The following SV2C variants were observed in gnomAD, a reference collection of about 807,000 sequenced individuals.
SV2C encodes the protein synaptic vesicle glycoprotein 2C.
SV2C carries 49 observed loss-of-function variants against 79.7 expected under a neutral mutation model. The observed-to-expected ratio is 0.61, with a 90% CI of 0.49 to 0.78. SV2C has a LOEUF of 0.78. Among genes scored for constraint, SV2C ranks in the 30% least tolerant of loss-of-function variants. SV2C has a pLI of 0.00. For synonymous variants in SV2C, 334 were observed against 333.2 expected, an observed-to-expected ratio of 1.00 and a Z score of -0.03; for missense variants, 833 against 912.9, an observed-to-expected ratio of 0.91 and a Z score of 1.13.
chr5:75,883,140 G>C, the SV2C span, among the ~76,000 whole-genome samples: 1 of 141,132 alleles, frequency 7.1e-6, no homozygotes, highest in Non-Finnish European at 1.5e-5. Flanking sequence ...ACCACAATGA[G>C]ATACCATCTC....
the SV2C span, among the ~76,000 whole-genome samples, chr5:75,973,336 TAA>T: frequency 6.7e-6 from 1 of 150,090 alleles, no homozygotes; most frequent in Non-Finnish European, 1.5e-5. Context: ...AATAATAAAA[TAA>T]AAAAAAATTA....
the SV2C span, among the ~76,000 whole-genome samples, chr5:76,013,670 A>T: frequency 6.6e-6 from 1 of 152,052 alleles, no homozygotes; most frequent in African/African-American, 2.4e-5. Flanking sequence ...AAAAGGAGAG[A>T]TAAAAAGAAA....
chr5:76,071,216 A>G, the SV2C span, among the ~76,000 whole-genome samples: 1 of 152,224 alleles, frequency 6.6e-6, no homozygotes. Flanking sequence ...CTTGGAATTG[A>G]CAATAACCTA....
chr5:76,037,189 A>T, the SV2C span, among the ~76,000 whole-genome samples: 4 of 152,030 alleles, frequency 2.6e-5, no homozygotes, highest in Non-Finnish European at 4.4e-5. Flanking sequence ...CTTTGGTTTG[A>T]ATGTCCTCCC....
intron 12 of SV2C, among the ~76,000 whole-genome samples, chr5:76,318,895 G>A (rs535748519): frequency 2.6e-5 from 4 of 152,230 alleles, no homozygotes; most frequent in East Asian, 3.9e-4. Context: ...CTGAGAAGTC[G>A]GCAAGTCAGG....
the SV2C span, among the ~76,000 whole-genome samples, chr5:76,014,982 G>C: frequency 1.3e-5 from 2 of 152,096 alleles, no homozygotes; most frequent in Admixed American, 1.3e-4. Flanking sequence ...GGACACCGTA[G>C]AAGACATAGT....
upstream of SV2C, chr5:76,078,648 G>T: frequency 2.4e-6 from 1 of 423,800 alleles, no homozygotes. Context: ...CATGGCACAG[G>T]GAGGGCCTCG....
In SV2C at chr5:76,106,285, T is replaced by TC. The variant is rs1486030563; in HGVS notation, c.-102+22774dup. 6.6e-5 allele frequency among the ~76,000 whole-genome samples: 10 copies of TC among 152,292 alleles called. No homozygotes were observed. The Middle Eastern group carries it at 0.01, about 155-fold the overall frequency. ...CCACTTCTTGCCACTCCCACTGCTG[T>TC]CTACTATCCCGTGCCCCCTCCCATC... On this transcript the variant is annotated intron_variant, in intron 1 of 12. Transcript: ENST00000502798.
intron 12 of SV2C, chr5:76,353,115 ATTT>A: frequency 2.7e-6 from 1 of 369,738 alleles, no homozygotes; most frequent in Admixed American, 2.9e-5. Flanking sequence ...TAATTTTTTA[ATTT>A]TTTTTTTGTA....
chr5:76,228,115 G>T (rs889324780), intron 4 of SV2C, among the ~76,000 whole-genome samples: 7 of 151,328 alleles, frequency 4.6e-5, no homozygotes, highest in African/African-American at 1.5e-4. Context: ...TTTTTCTAAG[G>T]CATTGTATCA....
At position 76,291,452 on chromosome 5, in the gene SV2C, A is replaced by C. The variant is rs937883503; in HGVS notation, c.1248+121A>C. ...TCTTTCCTGCTGCCCAGGACACCTG[A>C]CTCCTGGACTAGAGCCAGGTAATTG... On this transcript the variant is annotated intron_variant, in intron 7 of 12. Transcript: ENST00000502798. The C allele has an allele frequency of 5.7e-6, 4 of 705,738 alleles. No individual in the cohort carries two copies. In the Admixed American group the frequency reaches 1.2e-4, roughly 22 times the overall value. 43.7% of individuals were successfully genotyped at this position (705,738 alleles called of 1,614,324 possible). A position where few individuals can be genotyped will look rare whatever the true frequency, so the allele number is the denominator to read the frequency against.
At chr5:75,909,659 A>G in the SV2C span, among the ~76,000 whole-genome samples, 1 of 152,254 alleles carries the variant, frequency 6.6e-6, no homozygotes, top group Admixed American at 6.5e-5. Flanking sequence ...GAGAGCATGC[A>G]TAGCATCAAT....
intron 12 of SV2C, among the ~76,000 whole-genome samples, chr5:76,316,235 G>C (rs980145436): frequency 1.3e-5 from 2 of 152,202 alleles, no homozygotes; most frequent in Non-Finnish European, 2.9e-5. Flanking sequence ...GAAAGGTGGA[G>C]TGGATGTTTT....
the SV2C span, among the ~76,000 whole-genome samples, chr5:75,999,937 G>A: frequency 6.6e-6 from 1 of 152,096 alleles, no homozygotes; most frequent in Non-Finnish European, 1.5e-5. Context: ...CATTCATAAG[G>A]ATGGATCCCT....
the SV2C span, among the ~76,000 whole-genome samples, chr5:76,054,849 G>GT: frequency 6.6e-6 from 1 of 151,356 alleles, no homozygotes; most frequent in Non-Finnish European, 1.5e-5. Context: ...TTGTTTGTTT[G>GT]TTTTTTTCTT....
the SV2C span, among the ~76,000 whole-genome samples, chr5:76,034,156 A>G: frequency 7.6e-3 from 1,157 of 151,500 alleles, 17 homozygotes; most frequent in African/African-American, 0.027. Flanking sequence ...GGGCTGAGAC[A>G]ATGGGGTTTT....
the SV2C span, among the ~76,000 whole-genome samples, chr5:75,950,123 G>C: frequency 6.6e-6 from 1 of 151,986 alleles, no homozygotes; most frequent in Non-Finnish European, 1.5e-5. Context: ...GGGCACTGTT[G>C]GTGTGTTTAT....
At chr5:76,238,072 A>G (rs1373375886) in intron 4 of SV2C, among the ~76,000 whole-genome samples, 2 of 149,148 alleles carry the variant, frequency 1.3e-5, no homozygotes, top group Non-Finnish European at 3.0e-5. Context: ...ACACATATAT[A>G]TACCTCACCA....
intron 4 of SV2C, among the ~76,000 whole-genome samples, chr5:76,233,633 A>G (rs1285989323): frequency 6.6e-6 from 1 of 150,694 alleles, no homozygotes; most frequent in African/African-American, 2.5e-5. Flanking sequence ...TAATTTATTG[A>G]GAGTTTTTAG....
Sources: gnomAD v4.1 joint callset for allele counts (sites outside exome capture counted in the v4.1 genomes callset) on GRCh38, gnomAD v4.1.1 for gene constraint, MANE v1.5 for transcripts, NCBI Gene and HGNC (gene_info 2026-07-23, HGNC 2026-07-21) for gene names.